Variants in NCOA2 observed in about 807,000 individuals in gnomAD.
NCOA2 encodes the protein class E basic helix-loop-helix protein 75.
A neutral mutation model predicts 145.1 loss-of-function variants in NCOA2; 21 were observed. The observed-to-expected ratio is 0.14, with a 90% confidence interval of 0.10 to 0.21. The LOEUF is 0.21. Among genes scored for constraint, NCOA2 ranks in the 10% least tolerant of loss-of-function variants. The pLI is 1.00. For synonymous variants in NCOA2, 619 were observed against 637.5 expected (o/e 0.97, Z 0.44); for missense variants, 1,472 against 1,837.6 (o/e 0.80, Z 3.64).
At chr8:70,403,989 G>A (rs1477039022), upstream of NCOA2, among the ~76,000 whole-genome samples, 5 of 152,130 alleles carry the variant, frequency 3.3e-5, no homozygotes, top group Non-Finnish European at 7.4e-5. Context: ...CCGCCGCCAA[G>A]TCCTGTCACC....
At chr8:70,326,063 T>C (rs911256057) in intron 1 of NCOA2, among the ~76,000 whole-genome samples, 6 of 152,212 alleles carry the variant, frequency 3.9e-5, no homozygotes, top group African/African-American at 1.4e-4. Flanking sequence ...TACAGTTTAA[T>C]AGGCTTCCAC....
At chr8:70,170,724 G>A (rs1033113671) in intron 5 of NCOA2, among the ~76,000 whole-genome samples, 2 of 152,056 alleles carry the variant, frequency 1.3e-5, no homozygotes, top group African/African-American at 2.4e-5. Context: ...CATACTCCAC[G>A]GGGCCAAGAA....
intron 1 of NCOA2, among the ~76,000 whole-genome samples, chr8:70,335,155 A>G (rs532679222): frequency 8.7e-6 from 1 of 115,354 alleles, no homozygotes; most frequent in Non-Finnish European, 1.8e-5. Context: ...AAAAAAAAAG[A>G]TCTCTCCCTA....
intron 1 of NCOA2, among the ~76,000 whole-genome samples, chr8:70,398,603 T>C (rs1245100606): frequency 6.6e-6 from 1 of 152,250 alleles, no homozygotes; most frequent in Admixed American, 6.5e-5. Flanking sequence ...CTCCACGTTA[T>C]CTGTCAGCTG....
chr8:70,166,591 T>C lies in NCOA2; in HGVS notation c.705A>G (p.Pro235=), dbSNP rs748722640. ...CTTCTCCTTCTTCTTTGATGGACTT[T>C]GGTTGAGAGACAGCGAAGCACTGCA... The part of the protein sequence containing the change: ...ETMQCFAVSQ[P]KSIKEEGEDL... Residue 235 remains proline, a synonymous_variant, in exon 7 of 23, where the codon CCA becomes CCG. Transcript: ENST00000452400. 1.9e-6 allele frequency: 3 copies of C among 1,614,028 alleles called. No homozygotes were observed. Among genetic ancestry groups the C allele is most frequent in the Non-Finnish European group, 8.5e-7 (1 of 1,179,890 alleles).
chr8:70,429,264 C>G, the NCOA2 span, among the ~76,000 whole-genome samples: 4 of 152,318 alleles, frequency 2.6e-5, no homozygotes, highest in East Asian at 7.7e-4. Context: ...CACCAACCTT[C>G]AAGATTGCTC....
intron 4 of NCOA2, among the ~76,000 whole-genome samples, chr8:70,213,287 A>G (rs1013011956): frequency 6.6e-5 from 10 of 152,174 alleles, no homozygotes; most frequent in African/African-American, 2.4e-4. Flanking sequence ...TATTTTCTTG[A>G]TATTTTTCTG....
At chr8:70,140,594 T>C (rs967642603) in intron 14 of NCOA2, among the ~76,000 whole-genome samples, 1 of 65,770 alleles carries the variant, frequency 1.5e-5, no homozygotes, top group Non-Finnish European at 2.6e-5. Context: ...ACCACCTAAG[T>C]TTTTTTTTTT....
chr8:70,211,450 C>G (rs1293506411), intron 4 of NCOA2, among the ~76,000 whole-genome samples: 1 of 149,144 alleles, frequency 6.7e-6, no homozygotes, highest in Non-Finnish European at 1.5e-5. Context: ...CAGAGCAAGA[C>G]TCCAAAAAAA....
At chr8:70,361,261 A>G (rs1446579624) in intron 1 of NCOA2, among the ~76,000 whole-genome samples, 1 of 152,148 alleles carries the variant, frequency 6.6e-6, no homozygotes, top group Non-Finnish European at 1.5e-5. Context: ...CATGCCTGTA[A>G]TCCCAGCACT....
chr8:70,148,152 G>A, intron 12 of NCOA2, 121 bp downstream of exon 12: 2 of 887,692 alleles, frequency 2.3e-6, no homozygotes, highest in Non-Finnish European at 3.7e-6. Context: ...AGTAGATGGT[G>A]CTATTTGATC....
At chr8:70,417,245 T>TAAAAAAAAAAAAAAAAAAAAAAAAAAAA in the NCOA2 span, among the ~76,000 whole-genome samples, 11 of 77,988 alleles carry the variant, frequency 1.4e-4, no homozygotes, top group African/African-American at 6.2e-4. Flanking sequence ...TCGTCTCTAT[T>TAAAAAAAAAAAAAAAAAAAAAAAAAAAA]AAAAAAAAAA....
chr8:70,134,717 T>C (rs1284867034), intron 15 of NCOA2, among the ~76,000 whole-genome samples: 2 of 152,226 alleles, frequency 1.3e-5, no homozygotes, highest in Non-Finnish European at 2.9e-5. Context: ...AACAATCATT[T>C]GAATTTAAAC....
At chr8:70,191,412 A>G (rs1563594934) in intron 4 of NCOA2, among the ~76,000 whole-genome samples, 1 of 152,176 alleles carries the variant, frequency 6.6e-6, no homozygotes, top group Admixed American at 6.5e-5. Flanking sequence ...GACAGGGTGG[A>G]TTTCTATCCA....
In NCOA2 at chr8:70,301,605, G is replaced by A. The variant is rs181956278; in HGVS notation, c.-76-4805C>T. Among the ~76,000 whole-genome samples the A allele has an allele frequency of 7.1e-5, 10 of 140,840 alleles. No individual in the cohort carries two copies. The East Asian group carries it at 1.3e-3, about 19-fold the overall frequency. 92.4% of individuals were successfully genotyped at this position (140,840 alleles called of 152,430 possible). On this transcript the variant is annotated intron_variant, in intron 1 of 22. Coordinates refer to ENST00000452400, the MANE Select transcript of NCOA2 (RefSeq NM_006540.4). ...ACGGATGTCAAGGCTGCAGTGAGTC[G>A]TGATCACGCCACTGCATTCCAGCCT...
At chr8:70,305,551 G>T (rs979510518) in intron 1 of NCOA2, among the ~76,000 whole-genome samples, 1 of 152,026 alleles carries the variant, frequency 6.6e-6, no homozygotes, top group Non-Finnish European at 1.5e-5. Flanking sequence ...TCAAACCCAG[G>T]ACTGCCCGAG....
chr8:70,414,546 A>T, the NCOA2 span, among the ~76,000 whole-genome samples: 6 of 152,112 alleles, frequency 3.9e-5, no homozygotes, highest in Non-Finnish European at 8.8e-5. Flanking sequence ...CTTCATCTAT[A>T]CATGTTTAGC....
At chr8:70,295,421 A>G (rs1108162) in intron 2 of NCOA2, among the ~76,000 whole-genome samples, 2,133 of 152,312 alleles carry the variant, frequency 0.014, 59 homozygotes, top group African/African-American at 0.049. Flanking sequence ...ATGATCCAGT[A>G]TGGAGACGAG....
Position 70,362,621 on chromosome 8 carries a change from G to A in NCOA2, c.-77+41079C>T, listed in dbSNP as rs562008144. 9.9e-5 allele frequency among the ~76,000 whole-genome samples: 15 copies of A among 152,212 alleles called. No individual in the cohort carries two copies. The East Asian group carries it at 1.7e-3, about 18-fold the overall frequency. ...TACATATCCCACTATACACCTATCC[G>A]AATGGTTAAAAGAAGAAAAAACCTG... On this transcript the variant is annotated intron_variant, in intron 1 of 22. Transcript: ENST00000452400.
Sources: allele counts gnomAD v4.1 joint callset (sites outside exome capture counted in the v4.1 genomes callset), GRCh38; gene constraint gnomAD v4.1.1; transcripts MANE v1.5; gene names NCBI Gene and HGNC (gene_info 2026-07-23, HGNC 2026-07-21).